The following BICD1 variants were observed in gnomAD, a reference collection of about 807,000 sequenced individuals.
BICD1 encodes the protein BICD cargo adaptor 1.
In BICD1, 35 loss-of-function variants were observed where a neutral mutation model predicts 92.5. The observed-to-expected ratio is 0.38, with a 90% CI of 0.29 to 0.50. The LOEUF (loss-of-function observed/expected upper bound fraction) is 0.50, where lower values mean the gene tolerates loss of function less well. Ranked by LOEUF, BICD1 falls within the 20% of genes least tolerant of loss-of-function variation. BICD1 has a pLI of 0.93. For synonymous variants in BICD1, 429 were observed against 465.1 expected, an observed-to-expected ratio of 0.92 and a Z score of 1.00; for missense variants, 950 against 1,189.8, an observed-to-expected ratio of 0.80 and a Z score of 2.97.
At chr12:32,311,939 TG>T (rs1426492795) in intron 4 of BICD1, among the ~76,000 whole-genome samples, 1 of 152,156 alleles carries the variant, frequency 6.6e-6, no homozygotes, top group Non-Finnish European at 1.5e-5. Context: ...AGTATCAGAT[TG>T]GAAAGTAACT....
At chr12:32,375,308 C>A (rs1386445685) in intron 9 of BICD1, among the ~76,000 whole-genome samples, 2 of 151,996 alleles carry the variant, frequency 1.3e-5, no homozygotes, top group Non-Finnish European at 2.9e-5. Flanking sequence ...GTGGGCAGAT[C>A]ACTTGAAGTC....
chr12:32,170,211 G>A (rs1943896890), intron 1 of BICD1, among the ~76,000 whole-genome samples: 1 of 152,102 alleles, frequency 6.6e-6, no homozygotes, highest in Non-Finnish European at 1.5e-5. Flanking sequence ...AAAAATAACT[G>A]CTAGAGTCAC....
intron 2 of BICD1, among the ~76,000 whole-genome samples, chr12:32,259,537 C>T (rs982337252): frequency 6.6e-6 from 1 of 152,194 alleles, no homozygotes; most frequent in Admixed American, 6.5e-5. Context: ...AGTGGGTCTG[C>T]TCCACATCAG....
Position 32,378,357 on chromosome 12 carries a change from T to C in BICD1, c.*730T>C, listed in dbSNP as rs1592738343. ...TTTAACTAGAGTTCTTCACTGGACA[T>C]TACTAAGTAAATCTAAGAAAGAGAC... On this transcript the variant is annotated 3_prime_UTR_variant, in exon 10 of 10. Coordinates refer to ENST00000652176, the MANE Select transcript of BICD1 (RefSeq NM_001714.4). 1 of 152,262 alleles carries C rather than the reference T, an allele frequency of 6.6e-6. No individual in the cohort carries two copies. The highest frequency in any genetic ancestry group is 1.5e-5 in the Non-Finnish European group (1 of 68,046). The allele number at this position is 152,262 out of a possible 1,614,324, so 9.4% of individuals were successfully genotyped here.
intron 8 of BICD1, among the ~76,000 whole-genome samples, chr12:32,342,168 A>ATATATATGTG (rs1430312291): frequency 6.3e-5 from 5 of 78,880 alleles, no homozygotes; most frequent in African/African-American, 2.5e-4. Context: ...ATATATATGT[A>ATATATATGTG]TATATATATG....
In BICD1 at chr12:32,378,556, C is replaced by A. The variant is rs1022556555; in HGVS notation, c.*929C>A. ...AAAAATGGTGTGTTTATTTAATGAC[C>A]AGAATTTTTTTTACTTCTCCCAAAA... is the stretch of plus-strand genomic sequence containing the variant. On this transcript the variant is annotated 3_prime_UTR_variant, in exon 10 of 10. Transcript: ENST00000652176. The A allele has an allele frequency of 3.3e-5, 5 of 152,078 alleles. No homozygotes were observed. The highest frequency in any genetic ancestry group is 1.2e-4 in the African/African-American group (5 of 41,408). 9.4% of individuals were successfully genotyped at this position (152,078 alleles called of 1,614,324 possible).
chr12:32,280,539 A>C (rs1947385753), intron 2 of BICD1, among the ~76,000 whole-genome samples: 1 of 152,174 alleles, frequency 6.6e-6, no homozygotes, highest in African/African-American at 2.4e-5. Flanking sequence ...TCAGGTGATA[A>C]AGATGTTCTT....
rs1300202282 is a variant in BICD1 at position 32,326,837 on chromosome 12, T to G, written c.1006-624T>G. On this transcript the variant is annotated intron_variant, in intron 4 of 9. Coordinates refer to ENST00000652176, the MANE Select transcript of BICD1 (RefSeq NM_001714.4). ...GGCAGAGCCTGCAGTAAGCCCTGAT[T>G]GTGCCACTGCACTCCAGTGTGGGTG... 5.3e-5 allele frequency among the ~76,000 whole-genome samples: 8 copies of G among 152,308 alleles called. No individual in the cohort carries two copies. In the East Asian group the frequency reaches 1.3e-3, roughly 26 times the overall value.
intron 2 of BICD1, among the ~76,000 whole-genome samples, chr12:32,292,084 A>G (rs1947740605): frequency 6.6e-6 from 1 of 152,198 alleles, no homozygotes; most frequent in South Asian, 2.1e-4. Context: ...GGGTGGCTTT[A>G]AAACAACAGA....
intron 1 of BICD1, among the ~76,000 whole-genome samples, chr12:32,137,139 A>C (rs1390223628): frequency 6.6e-6 from 1 of 151,924 alleles, no homozygotes; most frequent in Non-Finnish European, 1.5e-5. Flanking sequence ...CCCAGACTGG[A>C]TTGCAGTGGT....
chr12:32,375,912 A>C (rs1462209515), intron 9 of BICD1, among the ~76,000 whole-genome samples: 3 of 152,220 alleles, frequency 2.0e-5, no homozygotes, highest in Admixed American at 6.5e-5. Flanking sequence ...GCTATGCTTA[A>C]ATTAATAGTA....
At chr12:32,338,680 A>C in intron 7 of BICD1, 106 bp from the exon 8 acceptor site, 5 of 960,972 alleles carry the variant, frequency 5.2e-6, no homozygotes, top group Non-Finnish European at 7.6e-6. Flanking sequence ...ATATTTAAAA[A>C]ATTAAATGCC....
rs147503704 is a variant in BICD1, at chr12:32,222,851, G to A, written c.426+6392G>A. Among the ~76,000 whole-genome samples, 24 of 152,224 alleles carry A rather than the reference G, an allele frequency of 1.6e-4. No individual in the cohort carries two copies. In the East Asian group the frequency reaches 4.1e-3, roughly 26 times the overall value. ...CCTCTCCGGAGGACACAGCAACAAG[G>A]TGCCATCTTGGACGCAGAGAGCAGC... On this transcript the variant is annotated intron_variant, in intron 2 of 9. Transcript: ENST00000652176.
At chr12:32,340,429 A>C in intron 8 of BICD1, 1 of 985,452 alleles carries the variant, frequency 1.0e-6, no homozygotes, top group Non-Finnish European at 1.2e-6. Context: ...ATTTATCAGG[A>C]TACCTAACTC....
chr12:32,155,163 G>A (rs907437926), intron 1 of BICD1, among the ~76,000 whole-genome samples: 5 of 150,218 alleles, frequency 3.3e-5, no homozygotes, highest in African/African-American at 1.2e-4. Context: ...AGAAGCAAGT[G>A]TAGACTTCGT....
At chr12:32,246,028 T>TGAA (rs1946373522) in intron 2 of BICD1, among the ~76,000 whole-genome samples, 1 of 6,440 alleles carries the variant, frequency 1.6e-4, no homozygotes, top group Non-Finnish European at 3.5e-4. Flanking sequence ...ATACTCTGTC[T>TGAA]CAAAAAAAAA....
chr12:32,279,565 T>C (rs1439823529), intron 2 of BICD1, among the ~76,000 whole-genome samples: 1 of 152,196 alleles, frequency 6.6e-6, no homozygotes, highest in Non-Finnish European at 1.5e-5. Flanking sequence ...AGACAAGTCA[T>C]TTATGATTTA....
At chr12:32,365,208 G>T (rs989216115) in intron 8 of BICD1, among the ~76,000 whole-genome samples, 43 of 152,176 alleles carry the variant, frequency 2.8e-4, no homozygotes, top group African/African-American at 9.9e-4. Context: ...TTGCACTCCA[G>T]CCTGGGCAAC....
intron 1 of BICD1, among the ~76,000 whole-genome samples, chr12:32,146,088 C>G (rs1186385849): frequency 6.6e-6 from 1 of 152,168 alleles, no homozygotes; most frequent in Non-Finnish European, 1.5e-5. Context: ...TACATATGAA[C>G]AAAGGCTCTC....
Sources: gnomAD v4.1 joint callset for allele counts (sites outside exome capture counted in the v4.1 genomes callset) on GRCh38, gnomAD v4.1.1 for gene constraint, MANE v1.5 for transcripts, NCBI Gene and HGNC (gene_info 2026-07-23, HGNC 2026-07-21) for gene names.